The following ANK3 variants were observed in gnomAD, a reference collection of about 807,000 sequenced individuals.
The protein encoded by ANK3 is ankyrin 3, also known as ankyrin-3.
A neutral mutation model predicts 370.9 loss-of-function variants in ANK3; 57 were observed. That is an observed-to-expected ratio of 0.15 (90% confidence interval 0.12 to 0.19). The LOEUF is 0.19. Among genes scored for constraint, ANK3 ranks in the 10% least tolerant of loss-of-function variants. The pLI, the probability that ANK3 is intolerant of heterozygous loss-of-function variation, is 1.00. For synonymous variants in ANK3, 1,929 were observed against 1,946.3 expected, an observed-to-expected ratio of 0.99 and a Z score of 0.23; for missense variants, 4,439 against 5,302.1, an observed-to-expected ratio of 0.84 and a Z score of 5.06.
chr10:60,372,411 T>C (rs759492146), intron 1 of ANK3, among the ~76,000 whole-genome samples: 7 of 149,768 alleles, frequency 4.7e-5, no homozygotes, highest in South Asian at 2.1e-4. Context: ...CTCTGTCTTA[T>C]GAAGACCAGC....
chr10:60,095,070 G>A (rs1280339598), intron 28 of ANK3, among the ~76,000 whole-genome samples: 1 of 152,236 alleles, frequency 6.6e-6, no homozygotes, highest in African/African-American at 2.4e-5. Flanking sequence ...CACCCTGACT[G>A]TGGGCCGCAT....
At chr10:60,650,929 TAAC>T (rs147504331) in intron 1 of ANK3, among the ~76,000 whole-genome samples, 102,587 of 151,320 alleles carry the variant, frequency 0.68, 34,881 homozygotes, top group South Asian at 0.83. Flanking sequence ...TACAAAATTT[TAAC>T]AACAACAACA....
At position 60,088,311 on chromosome 10, in the gene ANK3, T is replaced by C. The variant is rs1057524244; in HGVS notation, c.3376A>G (p.Ile1126Val). The change falls in exon 29 of 44, where the codon ATC becomes GTC. Residue 1126 changes from isoleucine to valine, a missense_variant. By Grantham distance (29) the Ile-to-Val change is conservative. Coordinates refer to ENST00000280772, the MANE Select transcript of ANK3 (RefSeq NM_020987.5). The stretch of plus-strand genomic sequence containing the variant: ...AAATACTGGGGGAAATCTTTCGTGA[T>C]AATCCTGCAGATACGCTTTTTCCCT... ...ELGKKRICRI[I>V]TKDFPQYFAV... 2.5e-6 allele frequency: 4 copies of C among 1,614,220 alleles called. No individual in the cohort carries two copies. Among genetic ancestry groups the C allele is most frequent in the Non-Finnish European group, 3.4e-6 (4 of 1,180,022 alleles).
intron 2 of ANK3, among the ~76,000 whole-genome samples, chr10:60,408,441 CA>C (rs1594969361): frequency 6.6e-6 from 1 of 152,066 alleles, no homozygotes; most frequent in East Asian, 1.9e-4. Context: ...CCTCCTGATC[CA>C]GCCATGTGAA....
At chr10:60,490,392 G>A (rs781701603) in intron 2 of ANK3, among the ~76,000 whole-genome samples, 15 of 152,204 alleles carry the variant, frequency 9.9e-5, no homozygotes, top group African/African-American at 2.6e-4. Context: ...CCACTGCTCC[G>A]CACTTCCTCA....
At chr10:60,370,365 A>G (rs1215010918) in intron 1 of ANK3, among the ~76,000 whole-genome samples, 1 of 152,206 alleles carries the variant, frequency 6.6e-6, no homozygotes, top group Non-Finnish European at 1.5e-5. Context: ...GATTATATTA[A>G]TCATGCAGAG....
chr10:60,225,888 T>A (rs961328677), intron 8 of ANK3, among the ~76,000 whole-genome samples: 2 of 151,440 alleles, frequency 1.3e-5, no homozygotes, highest in African/African-American at 2.4e-5. Flanking sequence ...TCATTGGCTG[T>A]CTTCTGATTT....
At chr10:60,616,261 A>C (rs2078266510) in intron 1 of ANK3, among the ~76,000 whole-genome samples, 1 of 152,166 alleles carries the variant, frequency 6.6e-6, no homozygotes, top group South Asian at 2.1e-4. Context: ...TTCTTATTTA[A>C]TCTTCACAAC....
At chr10:60,491,038 C>T (rs73257068) in intron 2 of ANK3, among the ~76,000 whole-genome samples, 19,834 of 152,108 alleles carry the variant, frequency 0.13, 1,511 homozygotes, top group African/African-American at 0.21. Context: ...ATATTATATA[C>T]CCTTTTGTAT....
chr10:60,485,429 C>G (rs2075324386), intron 2 of ANK3, among the ~76,000 whole-genome samples: 1 of 152,156 alleles, frequency 6.6e-6, no homozygotes. Flanking sequence ...AGATATGTTA[C>G]AGTCATGTGG....
chr10:60,397,096 T>C (rs1414553681), intron 2 of ANK3, among the ~76,000 whole-genome samples: 1 of 152,004 alleles, frequency 6.6e-6, no homozygotes, highest in Non-Finnish European at 1.5e-5. Flanking sequence ...TTGCTGACTC[T>C]GTGTAGGAGG....
chr10:60,111,395 T>G (rs1192463522), intron 26 of ANK3, among the ~76,000 whole-genome samples: 2 of 152,174 alleles, frequency 1.3e-5, no homozygotes, highest in Non-Finnish European at 1.5e-5. Flanking sequence ...GACTATTCAT[T>G]AAACAGGACA....
At chr10:60,243,793 G>T (rs912336839) in intron 7 of ANK3, among the ~76,000 whole-genome samples, 1 of 152,154 alleles carries the variant, frequency 6.6e-6, no homozygotes, top group South Asian at 2.1e-4. Context: ...AAGACATGGC[G>T]ATCTAAAGTA....
chr10:60,113,209 A>G (rs1307531040), intron 26 of ANK3, among the ~76,000 whole-genome samples: 1 of 152,058 alleles, frequency 6.6e-6, no homozygotes, highest in East Asian at 1.9e-4. Context: ...TTTTAAGTAA[A>G]TATCTTTATT....
intron 1 of ANK3, among the ~76,000 whole-genome samples, chr10:60,631,950 G>A (rs2078489753): frequency 6.6e-6 from 1 of 152,002 alleles, no homozygotes; most frequent in Admixed American, 6.6e-5. Flanking sequence ...AATGAACTAG[G>A]GGATTACAAT....
intron 1 of ANK3, chr10:60,684,848 T>C (rs1049145034): frequency 6.7e-7 from 1 of 1,499,168 alleles, no homozygotes; most frequent in Non-Finnish European, 9.1e-7. Context: ...AAAACTGAAC[T>C]TCACAAAATA....
chr10:60,579,639 A>G (rs2077725384), intron 2 of ANK3, among the ~76,000 whole-genome samples: 1 of 152,186 alleles, frequency 6.6e-6, no homozygotes, highest in Non-Finnish European at 1.5e-5. Context: ...AGTCATAATT[A>G]TAAAGTTAAG....
At chr10:60,262,590 T>C (rs1403730532) in intron 6 of ANK3, among the ~76,000 whole-genome samples, 1 of 152,206 alleles carries the variant, frequency 6.6e-6, no homozygotes, top group East Asian at 1.9e-4. Flanking sequence ...ATTCACTTAG[T>C]CCCCAAAGAT....
chr10:60,186,468 G>T, intron 17 of ANK3: 2 of 519,652 alleles, frequency 3.8e-6, no homozygotes, highest in East Asian at 4.2e-5. Flanking sequence ...TACCCGCCTT[G>T]TCTTCCCAAA....
Sources: allele counts gnomAD v4.1 joint callset (sites outside exome capture counted in the v4.1 genomes callset), GRCh38; gene constraint gnomAD v4.1.1; transcripts MANE v1.5; gene names NCBI Gene and HGNC (gene_info 2026-07-23, HGNC 2026-07-21).